Variants in MACROD2 observed in about 807,000 individuals in gnomAD.
The protein encoded by MACROD2 is mono-ADP ribosylhydrolase 2, also known as ADP-ribose glycohydrolase MACROD2.
MACROD2 carries 36 observed loss-of-function variants against 70.4 expected under a neutral mutation model. That is an observed-to-expected ratio of 0.51 (90% CI 0.39 to 0.68). The LOEUF (loss-of-function observed/expected upper bound fraction) is 0.68. Among genes scored for constraint, MACROD2 ranks in the 30% least tolerant of loss-of-function variants. MACROD2 has a pLI of 0.00. For missense variants in MACROD2, 496 were observed against 538.4 expected, an observed-to-expected ratio of 0.92 and a Z score of 0.78; for synonymous variants, 172 against 178.8, an observed-to-expected ratio of 0.96 and a Z score of 0.30.
chr20:14,291,599 A>C (rs1044213823), intron 3 of MACROD2, among the ~76,000 whole-genome samples: 3 of 151,914 alleles, frequency 2.0e-5, no homozygotes, highest in Non-Finnish European at 4.4e-5. Context: ...ACTGTGGCTC[A>C]TGTTTTCATG....
Position 14,629,538 on chromosome 20 carries a change from TG to T in MACROD2, c.302-55304del, listed in dbSNP as rs370100573. On this transcript the variant is annotated intron_variant, in intron 4 of 17. Transcript: ENST00000684519. The stretch of plus-strand genomic sequence containing the variant: ...ATGTTAAATGCTTTTAAAAATTCTT[TG>T]TACCTGATGTGAATATATAATAAAT... Among the ~76,000 whole-genome samples the T allele has an allele frequency of 5.2e-3, 785 of 152,354 alleles. 3 individuals are homozygous for T. Among genetic ancestry groups the T allele is most frequent in the Non-Finnish European group, 7.2e-3 (493 of 68,034 alleles).
intron 8 of MACROD2, among the ~76,000 whole-genome samples, chr20:15,516,891 A>G (rs573428204): frequency 3.3e-5 from 5 of 152,316 alleles, no homozygotes; most frequent in East Asian, 3.9e-4. Context: ...TTCCTATCAC[A>G]TAACAGTTGT....
chr20:15,879,411 C>T (rs543797729), intron 9 of MACROD2, among the ~76,000 whole-genome samples: 1 of 152,028 alleles, frequency 6.6e-6, no homozygotes, highest in Non-Finnish European at 1.5e-5. Context: ...CAAGCAAGCA[C>T]ATTACATAGA....
chr20:14,242,039 T>C lies in MACROD2; in HGVS notation c.271+156311T>C, dbSNP rs548291502. 1.9e-3 allele frequency among the ~76,000 whole-genome samples: 296 copies of C among 152,266 alleles called. 1 individual carries two copies. The highest frequency in any genetic ancestry group is 7.0e-3 in the African/African-American group (290 of 41,554). Reference sequence around the variant, plus strand: ...ATTAAAATGAGAAAATGCACAGTGATAGAAGTCAGATTAAAGGTCATGTAA... The same window carrying C: ...ATTAAAATGAGAAAATGCACAGTGACAGAAGTCAGATTAAAGGTCATGTAA... On this transcript the variant is annotated intron_variant, in intron 3 of 17. Transcript: ENST00000684519.
intron 5 of MACROD2, among the ~76,000 whole-genome samples, chr20:15,141,814 A>C (rs1017279761): frequency 1.3e-5 from 2 of 152,158 alleles, no homozygotes; most frequent in Admixed American, 1.3e-4. Context: ...GTGAAAAATG[A>C]ATGCCTCATA....
At chr20:15,272,555 T>G (rs530487088) in intron 6 of MACROD2, among the ~76,000 whole-genome samples, 14 of 152,328 alleles carry the variant, frequency 9.2e-5, no homozygotes, top group African/African-American at 3.1e-4. Context: ...TGTGAAGCAC[T>G]TAACACACAG....
At chr20:14,729,912 A>G (rs1303670658) in intron 5 of MACROD2, among the ~76,000 whole-genome samples, 1 of 152,182 alleles carries the variant, frequency 6.6e-6, no homozygotes, top group African/African-American at 2.4e-5. Flanking sequence ...TACATTTATT[A>G]AAATAAAAGG....
chr20:14,565,304 C>G (rs1979719181), intron 4 of MACROD2, among the ~76,000 whole-genome samples: 1 of 151,644 alleles, frequency 6.6e-6, no homozygotes, highest in African/African-American at 2.4e-5. Flanking sequence ...CACCCTATAT[C>G]CATGTAACAC....
chr20:15,603,222 G>T (rs1488267165), intron 8 of MACROD2, among the ~76,000 whole-genome samples: 1 of 152,112 alleles, frequency 6.6e-6, no homozygotes, highest in Non-Finnish European at 1.5e-5. Context: ...GAAATAGGCT[G>T]GAGTGGTGGC....
intron 6 of MACROD2, among the ~76,000 whole-genome samples, chr20:15,378,171 AG>A (rs1555811230): frequency 4.4e-5 from 5 of 113,822 alleles, no homozygotes; most frequent in African/African-American, 2.8e-4. Flanking sequence ...AGAGAGAGAG[AG>A]AAAGGAACCC....
chr20:14,325,054 G>A (rs1367853408), intron 3 of MACROD2: 1 of 152,196 alleles, frequency 6.6e-6, no homozygotes, highest in African/African-American at 2.4e-5. Context: ...TTAATAATTG[G>A]AACATTATTT....
At position 14,026,342 on chromosome 20, in the gene MACROD2, A is replaced by C. The variant is rs6110139; in HGVS notation, c.163+23938A>C. Among the ~76,000 whole-genome samples, 1,253 of 152,282 alleles carry C rather than the reference A, an allele frequency of 8.2e-3. 13 individuals are homozygous for C. Among genetic ancestry groups the C allele is most frequent in the African/African-American group, 0.029 (1,195 of 41,548 alleles). Reference sequence around the variant, plus strand: ...TAATCGGGGCATTTAGCCTGTTTACATTTAAGGTTAATATTGTTATGTGTA... The same window carrying C: ...TAATCGGGGCATTTAGCCTGTTTACCTTTAAGGTTAATATTGTTATGTGTA... On this transcript the variant is annotated intron_variant, in intron 2 of 17. Coordinates refer to ENST00000684519, the MANE Select transcript of MACROD2 (RefSeq NM_001351661.2).
At chr20:15,948,472 C>T (rs1301523152) in intron 12 of MACROD2, among the ~76,000 whole-genome samples, 1 of 149,356 alleles carries the variant, frequency 6.7e-6, no homozygotes, top group Admixed American at 6.7e-5. Context: ...GCCACTTTCC[C>T]AAATTTGTTT....
intron 8 of MACROD2, among the ~76,000 whole-genome samples, chr20:15,676,024 C>G (rs1200638649): frequency 6.6e-6 from 1 of 152,180 alleles, no homozygotes; most frequent in Non-Finnish European, 1.5e-5. Flanking sequence ...TAATCTACTA[C>G]AGATGTTATA....
intron 15 of MACROD2, among the ~76,000 whole-genome samples, chr20:16,036,289 G>GCCC (rs1555811576): frequency 2.0e-5 from 3 of 150,730 alleles, no homozygotes; most frequent in East Asian, 2.0e-4. Flanking sequence ...TCCTCCCCCG[G>GCCC]CCAGCATCTC....
intron 5 of MACROD2, among the ~76,000 whole-genome samples, chr20:15,186,019 T>A (rs1405463445): frequency 6.6e-6 from 1 of 152,208 alleles, no homozygotes; most frequent in Non-Finnish European, 1.5e-5. Flanking sequence ...GGTATGTGTA[T>A]GTTTTCACAG....
chr20:15,591,174 C>T (rs1205179603), intron 8 of MACROD2, among the ~76,000 whole-genome samples: 2 of 152,044 alleles, frequency 1.3e-5, no homozygotes, highest in Non-Finnish European at 2.9e-5. Flanking sequence ...GTATTCTATC[C>T]CTGGGCCTCA....
chr20:14,961,006 T>C (rs1380221315), intron 5 of MACROD2, among the ~76,000 whole-genome samples: 2 of 152,178 alleles, frequency 1.3e-5, no homozygotes, highest in Non-Finnish European at 2.9e-5. Flanking sequence ...TTCACACTAA[T>C]AACACCTGGC....
intron 3 of MACROD2, among the ~76,000 whole-genome samples, chr20:14,347,802 A>G (rs1437106681): frequency 6.6e-6 from 1 of 152,194 alleles, no homozygotes; most frequent in East Asian, 1.9e-4. Flanking sequence ...TAAAACGAAG[A>G]TATGGGACAT....
Sources: gnomAD v4.1 joint callset for allele counts (sites outside exome capture counted in the v4.1 genomes callset) on GRCh38, gnomAD v4.1.1 for gene constraint, MANE v1.5 for transcripts, NCBI Gene and HGNC (gene_info 2026-07-23, HGNC 2026-07-21) for gene names.